Variants in WARS1 observed in about 807,000 individuals in gnomAD.
The protein encoded by WARS1 is tryptophan--tRNA ligase, cytoplasmic.
A neutral mutation model predicts 47.8 loss-of-function variants in WARS1; 17 were observed. The ratio of observed to expected loss-of-function variants is 0.36; its 90% CI spans 0.24 to 0.53. The LOEUF is 0.53. Ranked by LOEUF, WARS1 falls within the 20% of genes least tolerant of loss-of-function variation. The pLI is 0.91. For missense variants in WARS1, 434 were observed against 608.0 expected, an observed-to-expected ratio of 0.71 and a Z score of 3.01; for synonymous variants, 208 against 228.1, an observed-to-expected ratio of 0.91 and a Z score of 0.79.
In WARS1 at chr14:100,336,810, G is replaced by A. The variant is rs1000339950; in HGVS notation, c.1254+252C>T. The A allele has an allele frequency of 9.8e-5, 41 of 418,242 alleles. No individual in the cohort carries two copies. The Admixed American group carries it at 1.1e-3, about 11-fold the overall frequency. 25.9% of individuals were successfully genotyped at this position (418,242 alleles called of 1,614,324 possible). ...TCACGTTAACTTACATTTCTCTGATGACTAATAAAGCAAGACTGTTTTGGG... is the reference window on the plus strand; with the variant it reads ...TCACGTTAACTTACATTTCTCTGATAACTAATAAAGCAAGACTGTTTTGGG... On this transcript the variant is annotated intron_variant, in intron 10 of 10. Coordinates refer to ENST00000392882, the MANE Select transcript of WARS1 (RefSeq NM_004184.4).
intron 7 of WARS1, among the ~76,000 whole-genome samples, chr14:100,344,368 G>A (rs1318141771): frequency 6.6e-6 from 1 of 152,218 alleles, no homozygotes; most frequent in African/African-American, 2.4e-5. Context: ...TGCAGACGGA[G>A]TCTGGTTCAC....
At chr14:100,367,046 AT>A in intron 2 of WARS1, 4 of 736,260 alleles carry the variant, frequency 5.4e-6, no homozygotes, top group Non-Finnish European at 6.4e-6. Flanking sequence ...GTAAAATAAG[AT>A]TAAAAAAAAA....
chr14:100,351,237 C>A (rs574054696), intron 6 of WARS1, among the ~76,000 whole-genome samples: 9 of 152,202 alleles, frequency 5.9e-5, no homozygotes, highest in Admixed American at 2.0e-4. Context: ...CTGGGCAATG[C>A]CAGCAGCACT....
intron 9 of WARS1, among the ~76,000 whole-genome samples, chr14:100,339,351 G>A (rs1306823501): frequency 6.6e-6 from 1 of 152,134 alleles, no homozygotes; most frequent in Non-Finnish European, 1.5e-5. Flanking sequence ...CAGCACTTTG[G>A]GAGGCCAAGG....
At chr14:100,363,818 G>T (rs1240159243) in intron 2 of WARS1, among the ~76,000 whole-genome samples, 1 of 152,050 alleles carries the variant, frequency 6.6e-6, no homozygotes, top group East Asian at 1.9e-4. Flanking sequence ...GTAGAGACAG[G>T]GTCTCACTAT....
chr14:100,347,343 C>T (rs900805617), intron 6 of WARS1, among the ~76,000 whole-genome samples: 1 of 152,152 alleles, frequency 6.6e-6, no homozygotes, highest in African/African-American at 2.4e-5. Context: ...TGCAGCTGGT[C>T]CTCCTAGTCT....
intron 9 of WARS1, among the ~76,000 whole-genome samples, chr14:100,340,900 TTTTTCTTTTTTC>T (rs1894115432): frequency 6.8e-6 from 1 of 148,146 alleles, no homozygotes; most frequent in African/African-American, 2.4e-5. Context: ...CATAAACAAG[TTTTTCTTTTTTC>T]TTTTCTTTTT....
chr14:100,375,101 T>A (rs1479249586), intron 1 of WARS1, among the ~76,000 whole-genome samples, 182 bp downstream of exon 1: 1 of 152,204 alleles, frequency 6.6e-6, no homozygotes, highest in Non-Finnish European at 1.5e-5. Context: ...CCGCGACTGC[T>A]CAGCCAGGAT....
intron 9 of WARS1, among the ~76,000 whole-genome samples, chr14:100,339,399 G>T (rs1392602826): frequency 1.3e-5 from 2 of 152,030 alleles, no homozygotes; most frequent in African/African-American, 2.4e-5. Flanking sequence ...AGACCATCCT[G>T]GCTAACACGG....
intron 5 of WARS1, 22 bp downstream of exon 5, chr14:100,354,425 A>G: frequency 6.2e-7 from 1 of 1,605,740 alleles, no homozygotes; most frequent in Non-Finnish European, 8.5e-7. Flanking sequence ...GAGTAAGAAA[A>G]GCCATAAGAT....
At chr14:100,354,341 G>T in intron 5 of WARS1, 106 bp downstream of exon 5, 1 of 1,481,246 alleles carries the variant, frequency 6.8e-7, no homozygotes. Context: ...CATCTTGGTT[G>T]CTCAGCAAAT....
intron 10 of WARS1, among the ~76,000 whole-genome samples, chr14:100,336,275 C>CAAAAAAA (rs56343247): frequency 2.6e-5 from 3 of 113,900 alleles, no homozygotes; most frequent in Non-Finnish European, 3.5e-5. Flanking sequence ...GACTCTGTCT[C>CAAAAAAA]AAAAAAAAAA....
chr14:100,363,148 C>T (rs1895756566), intron 2 of WARS1, among the ~76,000 whole-genome samples: 1 of 152,150 alleles, frequency 6.6e-6, no homozygotes, highest in Admixed American at 6.5e-5. Context: ...TATGGGAAGG[C>T]TTACCTTGCT....
chr14:100,354,474 C>A lies in WARS1; in HGVS notation c.515G>T (p.Gly172Val). ...RGPSSEAMHV[G>V]HLIPFIFTKW... ...TGTGAAAATAAATGGAATGAGGTGA[C>A]CTACATGCATTGCTTCAGAAGAGGG... The change falls in exon 5 of 11, where the codon GGT (glycine) becomes GTT (valine). Residue 172 changes from glycine (G) to valine (V), a missense_variant. Transcript: ENST00000392882. The A allele has an allele frequency of 1.2e-6, 2 of 1,614,012 alleles. No homozygotes were observed. The highest frequency in any genetic ancestry group is 1.7e-6 in the Non-Finnish European group (2 of 1,179,986).
intron 9 of WARS1, among the ~76,000 whole-genome samples, chr14:100,337,828 A>G (rs910245176): frequency 1.3e-5 from 2 of 152,142 alleles, no homozygotes; most frequent in African/African-American, 4.8e-5. Flanking sequence ...ACTGCACGCC[A>G]GCCTCGGCGA....
At chr14:100,335,162 G>GT in intron 10 of WARS1, 126 bp from the exon 11 acceptor site, 1 of 824,786 alleles carries the variant, frequency 1.2e-6, no homozygotes, top group Non-Finnish European at 1.9e-6. Flanking sequence ...GCACTCAGAA[G>GT]TGAGATCTGT....
chr14:100,371,466 A>AAAAAAAAAAAAAC (rs1680335374), intron 1 of WARS1, among the ~76,000 whole-genome samples: 1 of 138,078 alleles, frequency 7.2e-6, no homozygotes, highest in Non-Finnish European at 1.6e-5. Context: ...AAAAAAAAAA[A>AAAAAAAAAAAAAC]AGTAGGCCAG....
intron 2 of WARS1, chr14:100,366,124 G>A: frequency 4.4e-6 from 2 of 455,990 alleles, no homozygotes; most frequent in South Asian, 3.1e-5. Flanking sequence ...CTAGACTGGG[G>A]GCAGTCTGCA....
intron 2 of WARS1, chr14:100,366,996 CT>C (rs1324999933): frequency 8.7e-7 from 1 of 1,143,196 alleles, no homozygotes; most frequent in Non-Finnish European, 1.3e-6. Context: ...GCCTACTCGT[CT>C]GGTTTGTCCC....
Sources: allele counts gnomAD v4.1 joint callset (sites outside exome capture counted in the v4.1 genomes callset), GRCh38; gene constraint gnomAD v4.1.1; transcripts MANE v1.5; gene names NCBI Gene and HGNC (gene_info 2026-07-23, HGNC 2026-07-21).